CTNNA2: variants seen among roughly 807,000 people sequenced by gnomAD.
CTNNA2 encodes catenin alpha 2.
In CTNNA2, 42 loss-of-function variants were observed where a neutral mutation model predicts 101.0. The ratio of observed to expected loss-of-function variants is 0.42; its 90% CI spans 0.32 to 0.54. The LOEUF is 0.54. CTNNA2 is among the 20% of genes least tolerant of loss of function. The pLI, the probability that CTNNA2 is intolerant of heterozygous loss-of-function variation, is 0.14. For missense variants in CTNNA2, 871 were observed against 1,223.1 expected, an observed-to-expected ratio of 0.71 and a Z score of 4.29; for synonymous variants, 450 against 456.4, an observed-to-expected ratio of 0.99 and a Z score of 0.18.
At chr2:80,309,299 G>T (rs902711417) in intron 7 of CTNNA2, among the ~76,000 whole-genome samples, 3 of 152,080 alleles carry the variant, frequency 2.0e-5, no homozygotes, top group Admixed American at 2.0e-4. Flanking sequence ...CTTCAAGGTT[G>T]ATGGCAAATC....
chr2:79,981,886 A>G (rs1230767869), intron 7 of CTNNA2, among the ~76,000 whole-genome samples: 1 of 152,060 alleles, frequency 6.6e-6, no homozygotes, highest in Non-Finnish European at 1.5e-5. Flanking sequence ...CTGGATCCGT[A>G]ACCCAGAATT....
chr2:80,587,478 G>A (rs1262957109), intron 14 of CTNNA2, among the ~76,000 whole-genome samples: 1 of 152,038 alleles, frequency 6.6e-6, no homozygotes, highest in African/African-American at 2.4e-5. Context: ...TTAATTTGCT[G>A]CCCACCATCA....
chr2:79,778,585 A>G (rs885604), intron 3 of CTNNA2, among the ~76,000 whole-genome samples: 17,111 of 150,334 alleles, frequency 0.11, 1,089 homozygotes, highest in Admixed American at 0.17. Flanking sequence ...ATACGTATAT[A>G]CATATATACA....
intron 13 of CTNNA2, 58 bp downstream of exon 13, chr2:80,574,372 GCTAA>G: frequency 1.4e-6 from 2 of 1,473,694 alleles, no homozygotes; most frequent in Non-Finnish European, 1.8e-6. Flanking sequence ...AAACTAAAGA[GCTAA>G]CTGTCTTATT....
intron 2 of CTNNA2, among the ~76,000 whole-genome samples, chr2:79,741,705 C>G (rs1216637508): frequency 1.3e-5 from 2 of 151,696 alleles, no homozygotes; most frequent in African/African-American, 4.9e-5. Flanking sequence ...TATTTAGCCA[C>G]CTTGCTCTTC....
At chr2:80,148,636 C>T (rs1445167556) in intron 7 of CTNNA2, among the ~76,000 whole-genome samples, 2 of 152,214 alleles carry the variant, frequency 1.3e-5, no homozygotes, top group Admixed American at 1.3e-4. Context: ...GCATAGTTTT[C>T]CCAAGCTCTT....
At chr2:79,678,655 C>T (rs75043607) in intron 2 of CTNNA2, among the ~76,000 whole-genome samples, 15,349 of 152,126 alleles carry the variant, frequency 0.1, 1,359 homozygotes, top group African/African-American at 0.24. Flanking sequence ...TTTCATTTTG[C>T]CCCAGCTGCA....
Position 80,048,172 on chromosome 2 carries a change from T to A in CTNNA2, c.1056+138375T>A, listed in dbSNP as rs921092923. On this transcript the variant is annotated intron_variant, in intron 7 of 18. Coordinates refer to ENST00000402739, the MANE Select transcript of CTNNA2 (RefSeq NM_001282597.3). ...AGAGTATCCAGTTAAATTTTGAATG[T>A]CATATAAACAACAAATGATTTTTAG... is the stretch of plus-strand genomic sequence containing the variant. 7.2e-5 allele frequency among the ~76,000 whole-genome samples: 11 copies of A among 152,308 alleles called. No individual in the cohort carries two copies. In the East Asian group the frequency reaches 1.2e-3, roughly 16 times the overall value.
In CTNNA2 at chr2:80,456,531, T is replaced by A. The variant is rs149757715; in HGVS notation, c.1290+36930T>A. On this transcript the variant is annotated intron_variant, in intron 9 of 18. Transcript: ENST00000402739. ...TCAACTGGAATGTAGCTTGTATGAG[T>A]TCTCAAAGATTATGTCACCACCATA... 6.2e-3 allele frequency among the ~76,000 whole-genome samples: 944 copies of A among 152,258 alleles called. 2 individuals carry two copies. Among genetic ancestry groups the A allele is most frequent in the Middle Eastern group, 0.01 (3 of 294 alleles).
intron 4 of CTNNA2, among the ~76,000 whole-genome samples, chr2:79,470,688 T>C (rs1035116985): frequency 6.6e-6 from 1 of 152,244 alleles, no homozygotes; most frequent in Non-Finnish European, 1.5e-5. Flanking sequence ...GAATCACTTC[T>C]TTGAATGCTT....
chr2:79,773,720 G>A (rs1673758411), intron 3 of CTNNA2, among the ~76,000 whole-genome samples: 4 of 152,026 alleles, frequency 2.6e-5, no homozygotes, highest in Admixed American at 2.6e-4. Flanking sequence ...CCCACTGAGA[G>A]GCCTCATGCA....
At chr2:79,321,044 A>T (rs10177375) in intron 3 of CTNNA2, among the ~76,000 whole-genome samples, 39,127 of 152,102 alleles carry the variant, frequency 0.26, 5,296 homozygotes, top group Middle Eastern at 0.38. Context: ...ACTGTAATGG[A>T]TTTGGCTACT....
chr2:80,409,906 A>T (rs532948245), intron 8 of CTNNA2, among the ~76,000 whole-genome samples: 2 of 152,328 alleles, frequency 1.3e-5, no homozygotes, highest in Admixed American at 1.3e-4. Context: ...TTAAAGGCAA[A>T]TAAGAGAACT....
At chr2:79,294,183 G>A (rs1258942756) in intron 2 of CTNNA2, among the ~76,000 whole-genome samples, 1 of 149,904 alleles carries the variant, frequency 6.7e-6, no homozygotes, top group African/African-American at 2.5e-5. Context: ...GAGAGAGAGA[G>A]AGAAAGAGAG....
chr2:79,777,353 G>A (rs910214105), intron 3 of CTNNA2, among the ~76,000 whole-genome samples: 1 of 151,406 alleles, frequency 6.6e-6, no homozygotes, highest in East Asian at 1.9e-4. Context: ...GTGTGTGTGT[G>A]TGTGTGTGTG....
At chr2:79,401,044 GA>G (rs1310381401) in intron 4 of CTNNA2, among the ~76,000 whole-genome samples, 7 of 151,728 alleles carry the variant, frequency 4.6e-5, no homozygotes. Flanking sequence ...AAGACACAGA[GA>G]AAACTGAGAG....
intron 7 of CTNNA2, among the ~76,000 whole-genome samples, chr2:80,348,868 A>G (rs1166506376): frequency 6.6e-6 from 1 of 152,130 alleles, no homozygotes; most frequent in African/African-American, 2.4e-5. Flanking sequence ...AGAATTTGCA[A>G]GAGGTAGATG....
At chr2:79,910,490 C>T in intron 7 of CTNNA2, among the ~76,000 whole-genome samples, 1 of 152,200 alleles carries the variant, frequency 6.6e-6, no homozygotes, top group South Asian at 2.1e-4. Flanking sequence ...CCTTGAAAGG[C>T]ACTAAATTAT....
intron 3 of CTNNA2, among the ~76,000 whole-genome samples, chr2:79,366,437 A>G (rs1281824810): frequency 6.6e-6 from 1 of 152,082 alleles, no homozygotes; most frequent in Non-Finnish European, 1.5e-5. Flanking sequence ...TTTTTTCCTA[A>G]TTATGTTCTC....
Sources: allele counts gnomAD v4.1 joint callset (sites outside exome capture counted in the v4.1 genomes callset), GRCh38; gene constraint gnomAD v4.1.1; transcripts MANE v1.5; gene names NCBI Gene and HGNC (gene_info 2026-07-23, HGNC 2026-07-21).